The following RNF207 variants were observed in gnomAD, a reference collection of about 807,000 sequenced individuals.
RNF207 encodes OTTHUMG00000001089.
Under a neutral mutation model 79.0 loss-of-function variants are expected in RNF207, and 72 were observed. The observed-to-expected ratio is 0.91, with a 90% CI of 0.75 to 1.11. The LOEUF is 1.11. RNF207 is among the 50% of genes least tolerant of loss of function. The pLI is 0.00. For missense variants in RNF207, 936 were observed against 855.8 expected (o/e 1.09, Z -1.17); for synonymous variants, 348 against 366.2 (o/e 0.95, Z 0.57).
chr1:6,209,768 A>T (rs1206525496), intron 7 of RNF207, among the ~76,000 whole-genome samples, 156 bp from the exon 8 acceptor site: 2 of 152,000 alleles, frequency 1.3e-5, no homozygotes. Context: ...ATTTAAGGTG[A>T]CGGGACCCAA....
At chr1:6,218,638 C>T (rs1557595239) in intron 17 of RNF207, among the ~76,000 whole-genome samples, 1 of 152,206 alleles carries the variant, frequency 6.6e-6, no homozygotes, top group Non-Finnish European at 1.5e-5. Context: ...CCACTTTCAC[C>T]ACTGGGAGCT....
chr1:6,206,664 C>T lies in RNF207; in HGVS notation c.129C>T (p.Asp43=), dbSNP rs1166216424. Residue 43 remains aspartate, a synonymous_variant, in exon 2 of 18, where the codon GAC becomes GAT. Coordinates refer to ENST00000377939, the MANE Select transcript of RNF207 (RefSeq NM_207396.3). Reference sequence around the variant, plus strand: ...CGTGTCTTCTGGACTGTTTCCACGACTTCTGTGCCGGCTGCCTGCGTGGCC... The same window carrying T: ...CGTGTCTTCTGGACTGTTTCCACGATTTCTGTGCCGGCTGCCTGCGTGGCC... ...ERPCLLDCFH[D]FCAGCLRGRA... The T allele has an allele frequency of 1.2e-6, 2 of 1,607,406 alleles. No homozygotes were observed. Among genetic ancestry groups the T allele is most frequent in the Non-Finnish European group, 1.7e-6 (2 of 1,179,876 alleles).
rs755317565 is a variant in RNF207, at chr1:6,207,527, C to T, written c.324+16C>T. 6.7e-6 allele frequency: 7 copies of T among 1,052,538 alleles called. No homozygotes were observed. The East Asian group carries it at 1.7e-4, about 26-fold the overall frequency. 65.2% of individuals were successfully genotyped at this position (1,052,538 alleles called of 1,614,324 possible). A position where few individuals can be genotyped will look rare whatever the true frequency, so the allele number is the denominator to read the frequency against. On this transcript the variant is annotated intron_variant, in intron 3 of 17. Coordinates refer to ENST00000377939, the MANE Select transcript of RNF207 (RefSeq NM_207396.3). This position sits in a 1 kb window ranked among gnomAD's most constrained non-coding sequence, Gnocchi z 4.5. ...CAGCGAGCAGGCAGGGGCGGCAGGG[C>T]GGGTGGGTGAGGAGCAGAGGGTACC...
At chr1:6,216,433 T>G (rs1226163051) in intron 16 of RNF207, among the ~76,000 whole-genome samples, 1 of 152,150 alleles carries the variant, frequency 6.6e-6, no homozygotes, top group African/African-American at 2.4e-5. Flanking sequence ...CTCAACCCAC[T>G]TCACTCCAGG....
intron 4 of RNF207, 40 bp downstream of exon 4, chr1:6,209,065 G>GGGGGGGCCC: frequency 2.4e-6 from 2 of 828,542 alleles, no homozygotes; most frequent in Non-Finnish European, 3.9e-6. Flanking sequence ...GGGGGTGGGG[G>GGGGGGGCCC]CGGGGCGGGC....
rs1476903568 is a variant in RNF207, at chr1:6,209,042, G to C, written c.469+17G>C. 3.9e-6 allele frequency: 6 copies of C among 1,543,232 alleles called. No individual in the cohort carries two copies. Among genetic ancestry groups the C allele is most frequent in the South Asian group, 1.2e-5 (1 of 83,934 alleles). ...AGAAGTGCAGTGAGTGAGGCTTGCG[G>C]GGCCGGGGACTTGGGGGTGGGGGCG... is the stretch of plus-strand genomic sequence containing the variant. On this transcript the variant is annotated intron_variant, in intron 4 of 17. Coordinates refer to ENST00000377939, the MANE Select transcript of RNF207 (RefSeq NM_207396.3).
At chr1:6,210,131 G>A in intron 8 of RNF207, 92 bp from the exon 9 acceptor site, 1 of 1,345,552 alleles carries the variant, frequency 7.4e-7, no homozygotes, top group Non-Finnish European at 1.1e-6. Context: ...AGGGGTTCAG[G>A]GACGGACATG....
At position 6,211,782 on chromosome 1, in the gene RNF207, G is replaced by A. The variant is rs953953417; in HGVS notation, c.1110-85G>A. 2.9e-5 allele frequency: 28 copies of A among 962,168 alleles called. No homozygotes were observed. Among genetic ancestry groups the A allele is most frequent in the East Asian group, 1.1e-4 (4 of 37,834 alleles). The allele number at this position is 962,168 out of a possible 1,614,324, so 59.6% of individuals were successfully genotyped here. On this transcript the variant is annotated intron_variant, in intron 12 of 17. Transcript: ENST00000377939. The surrounding 1 kb of genome is among the most constrained non-coding windows in gnomAD (Gnocchi z 4.2). ...GTGGTGGAGAGGGCTGTGAGATCCC[G>A]GAGCAGTCCAGGGGGCTGCCCTGGG...
rs761708891 is a variant in RNF207 at position 6,206,698 on chromosome 1, G to A, written c.163G>A (p.Asp55Asn). Residue 55 changes from aspartate (D) to asparagine (N), a missense_variant, in exon 2 of 18, where the codon GAC becomes AAC. By Grantham distance (23) the Asp-to-Asn change is conservative. Transcript: ENST00000377939. ...CAGCLRGRAT[D>N]GRLTCPLCQH... is the part of the protein sequence containing the mutation. ...CGGCTGCCTGCGTGGCCGCGCGACCGACGGCCGCCTCACCTGCCCGCTGTG... is the reference window on the plus strand; with the variant it reads ...CGGCTGCCTGCGTGGCCGCGCGACCAACGGCCGCCTCACCTGCCCGCTGTG... 7 of 1,602,208 alleles carry A rather than the reference G, an allele frequency of 4.4e-6. No individual in the cohort carries two copies. In the Admixed American group the frequency reaches 1.2e-4, roughly 27 times the overall value.
At position 6,219,919 on chromosome 1, in the gene RNF207, CCA is replaced by C. The variant is rs1668495271; in HGVS notation, c.*513_*514del. ...TCAAGCGATTCTCCTACCTCAGCCCCCAGAGTAGCTGGGATTACAGGCATGTA... is the reference window on the plus strand; with the variant it reads ...TCAAGCGATTCTCCTACCTCAGCCCCGAGTAGCTGGGATTACAGGCATGTA... On this transcript the variant is annotated 3_prime_UTR_variant, in exon 18 of 18. Coordinates refer to ENST00000377939, the MANE Select transcript of RNF207 (RefSeq NM_207396.3). 1 of 152,392 alleles carries C rather than the reference CCA, an allele frequency of 6.6e-6. No homozygotes were observed. Among genetic ancestry groups the C allele is most frequent in the Non-Finnish European group, 1.5e-5 (1 of 68,236 alleles). The allele number at this position is 152,392 out of a possible 1,614,324, so 9.4% of individuals were successfully genotyped here.
In RNF207 at chr1:6,211,748, G is replaced by A; in HGVS notation, c.1110-119G>A. On this transcript the variant is annotated intron_variant, in intron 12 of 17. Transcript: ENST00000377939. The surrounding 1 kb of genome is among the most constrained non-coding windows in gnomAD (Gnocchi z 4.2). ...TTTCAAATCTCCTGGTGGCTCTGCT[G>A]TGCTCCAGGTGGTGGAGAGGGCTGT... The A allele has an allele frequency of 4.5e-6, 3 of 673,738 alleles. No homozygotes were observed. The highest frequency in any genetic ancestry group is 1.8e-5 in the African/African-American group (1 of 55,402). The allele number at this position is 673,738 out of a possible 1,614,324, so 41.7% of individuals were successfully genotyped here. A position where few individuals can be genotyped will look rare whatever the true frequency, so the allele number is the denominator to read the frequency against.
At chr1:6,206,850 G>A in intron 2 of RNF207, 124 bp downstream of exon 2, 1 of 736,212 alleles carries the variant, frequency 1.4e-6, no homozygotes. Context: ...GAACGACTGG[G>A]AGATACTGCA....
rs776119597 is a variant in RNF207 at position 6,209,466 on chromosome 1, C to T, written c.680C>T (p.Ala227Val). The change falls in exon 7 of 18, where the codon GCC becomes GTC. Residue 227 changes from alanine (A) to valine (V), a missense_variant. Physicochemically the swap from Ala to Val is moderately conservative, Grantham distance 64 (BLOSUM62 0). Coordinates refer to ENST00000377939, the MANE Select transcript of RNF207 (RefSeq NM_207396.3). Reference sequence around the variant, plus strand: ...CGGGAGGCCATCGCGCTGCTGCAGGCCATGGTGGAGGAGGTGCGGCACAGC... The same window carrying T: ...CGGGAGGCCATCGCGCTGCTGCAGGTCATGGTGGAGGAGGTGCGGCACAGC... ...ATREAIALLQ[A>V]MVEEVRHSAA... 1.3e-6 allele frequency: 2 copies of T among 1,509,854 alleles called. No homozygotes were observed. The highest frequency in any genetic ancestry group is 1.8e-6 in the Non-Finnish European group (2 of 1,134,946). The allele number at this position is 1,509,854 out of a possible 1,614,324, so 93.5% of individuals were successfully genotyped here. A position where few individuals can be genotyped will look rare whatever the true frequency, so the allele number is the denominator to read the frequency against.
rs1281814000 is a variant in RNF207 at position 6,220,635 on chromosome 1, C to T, written c.*1228C>T. 1.3e-5 allele frequency: 2 copies of T among 152,186 alleles called. No homozygotes were observed. Among genetic ancestry groups the T allele is most frequent in the East Asian group, 1.9e-4 (1 of 5,188 alleles). 9.4% of individuals were successfully genotyped at this position (152,186 alleles called of 1,614,324 possible). A position where few individuals can be genotyped will look rare whatever the true frequency, so the allele number is the denominator to read the frequency against. ...TGGCAGATGGTCTCAGTTACAACTT[C>T]GCTGCTTTCCCAAACTCCTGCAGCC... On this transcript the variant is annotated 3_prime_UTR_variant, in exon 18 of 18. Transcript: ENST00000377939.
At position 6,220,950 on chromosome 1, in the gene RNF207, C is replaced by T. The variant is rs1436974711; in HGVS notation, c.*1543C>T. 2.0e-5 allele frequency: 3 copies of T among 152,220 alleles called. No homozygotes were observed. The highest frequency in any genetic ancestry group is 4.4e-5 in the Non-Finnish European group (3 of 68,054). The allele number at this position is 152,220 out of a possible 1,614,324, so 9.4% of individuals were successfully genotyped here. On this transcript the variant is annotated 3_prime_UTR_variant, in exon 18 of 18. Coordinates refer to ENST00000377939, the MANE Select transcript of RNF207 (RefSeq NM_207396.3). ...CACATTCAACACATAACACATCACT[C>T]ACATTGACGTCCACTGTCCCTGCAC...
At chr1:6,209,237 T>C in intron 5 of RNF207, 31 bp from the exon 6 acceptor site, 2 of 1,549,766 alleles carry the variant, frequency 1.3e-6, no homozygotes, top group Non-Finnish European at 1.7e-6. Flanking sequence ...TGGGGGCCGC[T>C]GGAGCGGGCC....
intron 6 of RNF207, 21 bp downstream of exon 6, chr1:6,209,364 C>T: frequency 1.3e-6 from 2 of 1,528,668 alleles, no homozygotes; most frequent in Middle Eastern, 4.2e-4. Flanking sequence ...GGGCCTGGCG[C>T]GCGGGGCCGC....
In RNF207 at chr1:6,210,074, G is replaced by T. The variant is rs547767310; in HGVS notation, c.800+104G>T. 5 of 1,347,080 alleles carry T rather than the reference G, an allele frequency of 3.7e-6. No homozygotes were observed. The African/African-American group carries it at 4.3e-5, about 12-fold the overall frequency. 83.4% of individuals were successfully genotyped at this position (1,347,080 alleles called of 1,614,324 possible). A position where few individuals can be genotyped will look rare whatever the true frequency, so the allele number is the denominator to read the frequency against. On this transcript the variant is annotated intron_variant, in intron 8 of 17. Coordinates refer to ENST00000377939, the MANE Select transcript of RNF207 (RefSeq NM_207396.3). ...CCCCACCCTGAGGAGCAAGACATCC[G>T]AATGTCCTCCCAGCTAAGGAGGGCA...
rs984698004 is a variant in RNF207 at position 6,210,892 on chromosome 1, G to C, written c.965G>C (p.Gly322Ala). Residue 322 changes from glycine to alanine, a missense_variant, in exon 11 of 18, where the codon GGC (glycine) becomes GCC (alanine). Gly to Ala is a moderately conservative substitution (Grantham distance 60, BLOSUM62 0). Coordinates refer to ENST00000377939, the MANE Select transcript of RNF207 (RefSeq NM_207396.3). ...LGYELMERLQGIVTRPHHLRP... is the reference protein window; with the variant it reads ...LGYELMERLQAIVTRPHHLRP... Reference sequence around the variant, plus strand: ...CAGGAGCTGATGGAGAGGCTGCAGGGCATCGTCACGCGGCCGCACCACCTA... The same window carrying C: ...CAGGAGCTGATGGAGAGGCTGCAGGCCATCGTCACGCGGCCGCACCACCTA... 2 of 1,604,114 alleles carry C rather than the reference G, an allele frequency of 1.2e-6. No individual in the cohort carries two copies. Among genetic ancestry groups the C allele is most frequent in the East Asian group, 2.2e-5 (1 of 44,500 alleles).
Sources: allele counts gnomAD v4.1 joint callset (sites outside exome capture counted in the v4.1 genomes callset), GRCh38; gene constraint gnomAD v4.1.1; non-coding constraint Gnocchi (gnomAD v3.1); transcripts MANE v1.5; gene names NCBI Gene and HGNC (gene_info 2026-07-23, HGNC 2026-07-21).